The following WDR47 variants were observed in gnomAD, a reference collection of about 807,000 sequenced individuals.
WDR47 encodes the protein WD repeat-containing protein 47.
In WDR47, 32 loss-of-function variants were observed where a neutral mutation model predicts 97.2. The observed-to-expected ratio is 0.33, with a 90% CI of 0.25 to 0.44. The LOEUF (loss-of-function observed/expected upper bound fraction) is 0.44, where lower values mean the gene tolerates loss of function less well. Ranked by LOEUF, WDR47 falls within the 20% of genes least tolerant of loss-of-function variation. WDR47 has a pLI of 1.00. For synonymous variants in WDR47, 375 were observed against 373.5 expected (o/e 1.00, Z -0.05); for missense variants, 782 against 1,102.3 (o/e 0.71, Z 4.11).
At chr1:109,023,293 C>T in intron 2 of WDR47, 62 bp downstream of exon 2, 1 of 1,504,518 alleles carries the variant, frequency 6.6e-7, no homozygotes, top group Non-Finnish European at 9.0e-7. Context: ...TATATATTAC[C>T]TTATTAATAC....
chr1:109,014,983 A>G (rs944209641), intron 3 of WDR47, among the ~76,000 whole-genome samples: 6 of 152,190 alleles, frequency 3.9e-5, no homozygotes, highest in African/African-American at 1.4e-4. Flanking sequence ...TATATGAAAT[A>G]TTCAGAGTTC....
intron 10 of WDR47, among the ~76,000 whole-genome samples, chr1:108,983,709 TC>T: frequency 1.3e-5 from 2 of 151,704 alleles, no homozygotes; most frequent in Admixed American, 1.3e-4. Context: ...AAAAAAAATC[TC>T]CGTTTCTCAT....
rs1364966300 is a variant in WDR47 at position 109,011,201 on chromosome 1, T to G, written c.845A>C (p.Asp282Ala). ...LLKPTKAAYA[D>A]LLTPLISKLS... ...TTTGCTGATAAGAGGAGTCAAAAGA[T>G]CAGCATATGCAGCTTTTGTAGGTTT... The change falls in exon 5 of 15, where the codon GAT becomes GCT. Residue 282 changes from aspartate to alanine, a missense_variant. Coordinates refer to ENST00000369962, the MANE Select transcript of WDR47 (RefSeq NM_001142551.2). 6.2e-7 allele frequency: 1 copy of G among 1,614,122 alleles called. No homozygotes were observed.
chr1:108,975,946 A>G (rs952061672), intron 13 of WDR47, among the ~76,000 whole-genome samples: 14 of 152,310 alleles, frequency 9.2e-5, no homozygotes, highest in South Asian at 2.1e-4. Context: ...GCTTACAGGA[A>G]GGTAGATCAG....
At chr1:109,040,010 T>C (rs1663236096) in intron 1 of WDR47, among the ~76,000 whole-genome samples, 1 of 130,258 alleles carries the variant, frequency 7.7e-6, no homozygotes, top group Admixed American at 9.6e-5. Flanking sequence ...AACTCCAGCC[T>C]GGATGACAGA....
In WDR47 at chr1:109,011,158, T is replaced by G; in HGVS notation, c.888A>C (p.Ser296=). The change falls in exon 5 of 15, where the codon TCA becomes TCC. Residue 296 remains serine, a synonymous_variant. Transcript: ENST00000369962. The stretch of plus-strand genomic sequence containing the variant: ...CTGATTGAGGTCTTCTCATTGGGGA[T>G]GATGGATAGGGAGAGAGTTTGCTGA... ...PLISKLSPYP[S]SPMRRPQSAD... 1 of 1,614,164 alleles carries G rather than the reference T, an allele frequency of 6.2e-7. No individual in the cohort carries two copies. The highest frequency in any genetic ancestry group is 8.5e-7 in the Non-Finnish European group (1 of 1,180,030).
intron 3 of WDR47, among the ~76,000 whole-genome samples, chr1:109,014,688 G>T (rs1169655162): frequency 6.6e-6 from 1 of 152,106 alleles, no homozygotes; most frequent in African/African-American, 2.4e-5. Context: ...TCCTGCCTCA[G>T]CCTCCCAAAG....
At chr1:109,006,908 G>A (rs1227727535) in intron 5 of WDR47, among the ~76,000 whole-genome samples, 1 of 151,828 alleles carries the variant, frequency 6.6e-6, no homozygotes, top group Non-Finnish European at 1.5e-5. Context: ...TCATATTGTA[G>A]CATGGTGTTA....
At chr1:109,020,886 A>ATTTTT (rs36061329) in intron 2 of WDR47, among the ~76,000 whole-genome samples, 1 of 142,512 alleles carries the variant, frequency 7.0e-6, no homozygotes, top group Non-Finnish European at 1.5e-5. Context: ...GGAACACTTC[A>ATTTTT]TTTTTTTTTT....
At chr1:108,992,805 T>C in intron 8 of WDR47, 3 of 1,588,806 alleles carry the variant, frequency 1.9e-6, no homozygotes, top group Admixed American at 1.7e-5. Flanking sequence ...CAGAAGAAAC[T>C]GAAGAAACAA....
chr1:109,019,382 C>CAAA (rs543984146), intron 2 of WDR47, among the ~76,000 whole-genome samples: 2 of 61,468 alleles, frequency 3.3e-5, no homozygotes, highest in Non-Finnish European at 6.5e-5. Context: ...GACTCTGTCT[C>CAAA]AAAAAAAAAA....
rs149731764 is a variant in WDR47 at position 108,998,878 on chromosome 1, A to G, written c.1434-3041T>C. 5.3e-3 allele frequency among the ~76,000 whole-genome samples: 808 copies of G among 152,342 alleles called. 3 individuals are homozygous for G. The highest frequency in any genetic ancestry group is 9.3e-3 in the Non-Finnish European group (631 of 68,034). ...CCATTCAATTTGTCCTTGATTTTAC[A>G]TATCTTAAAGCCCTAGTACAGGCTC... On this transcript the variant is annotated intron_variant, in intron 7 of 14. Coordinates refer to ENST00000369962, the MANE Select transcript of WDR47 (RefSeq NM_001142551.2).
chr1:108,991,589 C>T (rs182541186), intron 8 of WDR47, among the ~76,000 whole-genome samples: 8 of 152,132 alleles, frequency 5.3e-5, no homozygotes, highest in African/African-American at 1.9e-4. Context: ...AAGTACCCTT[C>T]CCTTGCTTAG....
At chr1:108,983,785 TAA>T (rs34460705) in intron 10 of WDR47, among the ~76,000 whole-genome samples, 32 of 150,572 alleles carry the variant, frequency 2.1e-4, no homozygotes, top group Middle Eastern at 3.2e-3. Context: ...CTTCCAAATT[TAA>T]AAAAAAAATG....
intron 7 of WDR47, among the ~76,000 whole-genome samples, chr1:108,996,529 CATCT>C: frequency 6.6e-6 from 1 of 152,172 alleles, no homozygotes; most frequent in Non-Finnish European, 1.5e-5. Context: ...ATTTTCATTC[CATCT>C]GTCTTGAGTA....
chr1:109,001,087 A>C (rs976175058), intron 7 of WDR47, among the ~76,000 whole-genome samples: 1 of 152,096 alleles, frequency 6.6e-6, no homozygotes, highest in Admixed American at 6.6e-5. Flanking sequence ...CAGGAGTTCA[A>C]GACTAGCCTG....
intron 13 of WDR47, among the ~76,000 whole-genome samples, chr1:108,977,741 T>C (rs1658025405): frequency 6.6e-6 from 1 of 151,380 alleles, no homozygotes; most frequent in Non-Finnish European, 1.5e-5. Flanking sequence ...GGCATGAAAA[T>C]CGCTTGAACC....
intron 7 of WDR47, among the ~76,000 whole-genome samples, chr1:109,001,513 G>A (rs1660188533): frequency 6.6e-6 from 1 of 152,168 alleles, no homozygotes; most frequent in African/African-American, 2.4e-5. Flanking sequence ...TGTTTACAGT[G>A]TGCCAGGTAC....
chr1:109,012,831 A>T (rs1447349498), intron 4 of WDR47, among the ~76,000 whole-genome samples: 1 of 152,148 alleles, frequency 6.6e-6, no homozygotes, highest in African/African-American at 2.4e-5. Context: ...AAGACGGAAT[A>T]AAAAATAGGT....
Sources: allele counts gnomAD v4.1 joint callset (sites outside exome capture counted in the v4.1 genomes callset), GRCh38; gene constraint gnomAD v4.1.1; transcripts MANE v1.5; gene names NCBI Gene and HGNC (gene_info 2026-07-23, HGNC 2026-07-21).